LMO7: variants seen among roughly 807,000 people sequenced by gnomAD.
LMO7 encodes the protein LIM domain 7, also known as LIM domain only protein 7.
LMO7 carries 120 observed loss-of-function variants against 206.5 expected under a neutral mutation model. That is an observed-to-expected ratio of 0.58 (90% CI 0.50 to 0.68). The LOEUF is 0.68. LMO7 is among the 30% of genes least tolerant of loss of function. The pLI, the probability that LMO7 is intolerant of heterozygous loss-of-function variation, is 0.00. For missense variants in LMO7, 1,959 were observed against 1,957.9 expected (o/e 1.00, Z -0.01); for synonymous variants, 706 against 681.5 (o/e 1.04, Z -0.56).
intron 1 of LMO7, among the ~76,000 whole-genome samples, chr13:75,675,083 CT>C (rs141613191): frequency 2.5e-4 from 37 of 145,756 alleles, no homozygotes; most frequent in Admixed American, 4.1e-4. Context: ...TTTCTTTTTT[CT>C]TTTTTTTTTT....
intron 1 of LMO7, among the ~76,000 whole-genome samples, chr13:75,674,084 T>C (rs1043960130): frequency 2.6e-5 from 4 of 152,264 alleles, no homozygotes; most frequent in Non-Finnish European, 5.9e-5. Context: ...GTATTCATTA[T>C]CAAGTCACAA....
intron 3 of LMO7, among the ~76,000 whole-genome samples, chr13:75,731,038 T>C (rs1437606918): frequency 6.6e-6 from 1 of 151,792 alleles, no homozygotes; most frequent in Non-Finnish European, 1.5e-5. Flanking sequence ...TGAGGAGAGC[T>C]TTACTTCCAA....
intron 3 of LMO7, among the ~76,000 whole-genome samples, chr13:75,734,071 A>C (rs2045560384): frequency 6.6e-6 from 1 of 152,232 alleles, no homozygotes; most frequent in African/African-American, 2.4e-5. Flanking sequence ...TTTATGTAAT[A>C]GGTTTCCCAC....
chr13:75,797,149 T>A (rs1473013430), intron 6 of LMO7, among the ~76,000 whole-genome samples: 1 of 152,230 alleles, frequency 6.6e-6, no homozygotes, highest in African/African-American at 2.4e-5. Flanking sequence ...TCAATTTCTT[T>A]GTAGTAATAT....
chr13:75,853,249 C>T lies in LMO7; in HGVS notation c.4522C>T (p.Arg1508Trp), dbSNP rs141386159. Residue 1508 changes from arginine (R) to tryptophan (W), a missense_variant, in exon 28 of 31, where the codon CGG becomes TGG. Physicochemically the swap from Arg to Trp is moderately radical, Grantham distance 101. Coordinates refer to ENST00000377534, the MANE Select transcript of LMO7 (RefSeq NM_001306080.2). ...GTCCACATCAAACCGTGCCTACATG[C>T]GGAACCCCTCCTCCAGCGTGCCCCC... ...LVSTSNRAYM[R>W]NPSSSVPPPS... 97 of 1,613,992 alleles carry T rather than the reference C, an allele frequency of 6.0e-5. No homozygotes were observed. The highest frequency in any genetic ancestry group is 5.8e-4 in the Admixed American group (35 of 60,004).
In LMO7 at chr13:75,807,641, C is replaced by A; in HGVS notation, c.1358C>A (p.Ala453Asp). The A allele has an allele frequency of 1.2e-6, 2 of 1,613,952 alleles. No homozygotes were observed. The highest frequency in any genetic ancestry group is 1.7e-6 in the Non-Finnish European group (2 of 1,179,884). Residue 453 changes from alanine to aspartate, a missense_variant, in exon 10 of 31, where the codon GCC becomes GAC. Ala to Asp is a moderately radical substitution (Grantham distance 126, BLOSUM62 -2). Transcript: ENST00000377534. ...AGAAGAGATGACCTCGAGATGGCAG[C>A]CCTGGATCCTGACTTAGAGAATGAT... ...GYRRDDLEMA[A>D]LDPDLENDDF...
chr13:75,703,409 T>C (rs2042418184), intron 1 of LMO7, among the ~76,000 whole-genome samples: 1 of 152,092 alleles, frequency 6.6e-6, no homozygotes. Flanking sequence ...GTTCCCTGAG[T>C]GCTTTCACAG....
At chr13:75,809,712 C>T (rs533987902) in intron 11 of LMO7, among the ~76,000 whole-genome samples, 24 of 151,780 alleles carry the variant, frequency 1.6e-4, no homozygotes, top group Admixed American at 9.2e-4. Flanking sequence ...ATTATATTTT[C>T]AAGATTCCTG....
At chr13:75,706,879 T>G (rs1397080459) in intron 1 of LMO7, among the ~76,000 whole-genome samples, 2 of 152,142 alleles carry the variant, frequency 1.3e-5, no homozygotes, top group African/African-American at 2.4e-5. Flanking sequence ...GTTTTTGGTG[T>G]CTGTTTCATG....
intron 3 of LMO7, among the ~76,000 whole-genome samples, chr13:75,743,658 G>A (rs776527): frequency 0.47 from 70,808 of 151,900 alleles, 17,204 homozygotes; most frequent in East Asian, 0.61. Flanking sequence ...ATGAGAACAC[G>A]TGGACACAGA....
chr13:75,674,156 T>C (rs2039824421), intron 1 of LMO7, among the ~76,000 whole-genome samples: 1 of 152,226 alleles, frequency 6.6e-6, no homozygotes, highest in Non-Finnish European at 1.5e-5. Context: ...TGTTTGCAAA[T>C]TTAAATAGAG....
chr13:75,735,097 C>CA lies in LMO7; in HGVS notation c.210+8014dup, dbSNP rs757001691. Among the ~76,000 whole-genome samples the CA allele has an allele frequency of 2.4e-3, 242 of 102,072 alleles. 1 individual carries two copies. Among genetic ancestry groups the CA allele is most frequent in the East Asian group, 4.8e-3 (16 of 3,360 alleles). The allele number at this position is 102,072 out of a possible 152,430, so 67.0% of individuals were successfully genotyped here. A position where few individuals can be genotyped will look rare whatever the true frequency, so the allele number is the denominator to read the frequency against. On this transcript the variant is annotated intron_variant, in intron 3 of 30. Coordinates refer to ENST00000377534, the MANE Select transcript of LMO7 (RefSeq NM_001306080.2). The stretch of plus-strand genomic sequence containing the variant: ...TGTGCGACAGAGCGAGACTCCGTCT[C>CA]AAAAAAAAAAAAAAATTACGTGTGT...
At chr13:75,694,107 C>T (rs2139661736) in intron 1 of LMO7, among the ~76,000 whole-genome samples, 1 of 152,180 alleles carries the variant, frequency 6.6e-6, no homozygotes, top group East Asian at 1.9e-4. Context: ...ATGGAGTTTC[C>T]TGACCTCAAT....
intron 4 of LMO7, among the ~76,000 whole-genome samples, chr13:75,776,690 C>T (rs1295959355): frequency 2.0e-5 from 3 of 152,088 alleles, no homozygotes; most frequent in Admixed American, 6.5e-5. Context: ...CAATTCTAAT[C>T]GAGGTAATAC....
intron 4 of LMO7, among the ~76,000 whole-genome samples, chr13:75,781,845 T>A (rs1265298098): frequency 1.3e-5 from 2 of 152,332 alleles, no homozygotes; most frequent in African/African-American, 4.8e-5. Context: ...GGTATCTCAT[T>A]GTGGTTTTGA....
intron 21 of LMO7, 104 bp from the exon 22 acceptor site, chr13:75,840,286 GC>G: frequency 2.8e-6 from 4 of 1,422,774 alleles, no homozygotes; most frequent in Non-Finnish European, 3.9e-6. Flanking sequence ...TACAGTTTAA[GC>G]AAACTGTGAT....
At chr13:75,790,946 A>AT (rs35450911) in intron 4 of LMO7, among the ~76,000 whole-genome samples, 6 of 150,288 alleles carry the variant, frequency 4.0e-5, no homozygotes, top group Non-Finnish European at 5.9e-5. Context: ...CAAGATAGGT[A>AT]TTTTTTTTTG....
intron 18 of LMO7, among the ~76,000 whole-genome samples, chr13:75,836,177 A>G (rs1251616670): frequency 1.3e-5 from 2 of 152,204 alleles, no homozygotes; most frequent in Non-Finnish European, 2.9e-5. Context: ...GATTAAACTT[A>G]AACTCATCCA....
intron 11 of LMO7, 111 bp downstream of exon 11, chr13:75,809,294 A>G (rs2055981233): frequency 2.3e-6 from 2 of 869,288 alleles, no homozygotes; most frequent in South Asian, 1.6e-5. Context: ...TGTGCTGTGC[A>G]TGATATTTTT....
Sources: gnomAD v4.1 joint callset for allele counts (sites outside exome capture counted in the v4.1 genomes callset) on GRCh38, gnomAD v4.1.1 for gene constraint, MANE v1.5 for transcripts, NCBI Gene and HGNC (gene_info 2026-07-23, HGNC 2026-07-21) for gene names.